TNS1: variants seen among roughly 807,000 people sequenced by gnomAD.
The protein encoded by TNS1 is tensin 1, also known as tensin-1.
TNS1 carries 62 observed loss-of-function variants against 168.6 expected under a neutral mutation model. The ratio of observed to expected loss-of-function variants is 0.37; its 90% CI spans 0.30 to 0.45. TNS1 has a LOEUF of 0.45. Among genes scored for constraint, TNS1 ranks in the 20% least tolerant of loss-of-function variants. The probability of loss-of-function intolerance (pLI) is 1.00; values close to 1 mark genes in which losing one functional copy is unlikely to be tolerated. For synonymous variants in TNS1, 934 were observed against 933.2 expected (o/e 1.00, Z -0.02); for missense variants, 2,240 against 2,339.4 (o/e 0.96, Z 0.88).
At chr2:218,028,367 G>T (rs1302377880) in intron 1 of TNS1, among the ~76,000 whole-genome samples, 1 of 152,164 alleles carries the variant, frequency 6.6e-6, no homozygotes, top group African/African-American at 2.4e-5. Flanking sequence ...GGCCACCCGG[G>T]CCTATCACCA....
Position 217,848,336 on chromosome 2 carries a change from C to A in TNS1, c.2181G>T (p.Gln727His). The change falls in exon 19 of 33, where the codon CAG (glutamine) becomes CAT (histidine). Residue 727 changes from glutamine (Q) to histidine (H), a missense_variant. Gln to His is a conservative substitution (Grantham distance 24). Around this residue, in one of 2 missense-constraint regions of TNS1, gnomAD observed 2,131 missense variants for 2,171.2 expected, o/e 0.98. Transcript: ENST00000682258. ...QREGPHPAWP[Q>H]PVTTSHYAHD... is the part of the protein sequence containing the mutation. ...GGGCATAGTGGGAGGTGGTCACTGG[C>A]TGTGGCCAGGCTGGGTGGGGCCCCT... The A allele has an allele frequency of 6.5e-7, 1 of 1,538,656 alleles. No homozygotes were observed. Among genetic ancestry groups the A allele is most frequent in the Non-Finnish European group, 8.8e-7 (1 of 1,141,004 alleles).
At chr2:217,947,369 G>A (rs1487685839) in intron 3 of TNS1, among the ~76,000 whole-genome samples, 1 of 152,184 alleles carries the variant, frequency 6.6e-6, no homozygotes, top group Non-Finnish European at 1.5e-5. Flanking sequence ...ACAGAACCGA[G>A]AAAGGAGATG....
chr2:218,015,437 C>G lies in TNS1; in HGVS notation c.156+18383G>C, dbSNP rs185627083. On this transcript the variant is annotated intron_variant, in intron 1 of 1. Coordinates refer to the TNS1 transcript ENST00000649572. ...GTGAGTCCCTAAGTTCTCTTTGTCCCCTTCACCACTACTAGCCCAGGTCTC... is the reference window on the plus strand; with the variant it reads ...GTGAGTCCCTAAGTTCTCTTTGTCCGCTTCACCACTACTAGCCCAGGTCTC... 1.4e-4 allele frequency among the ~76,000 whole-genome samples: 21 copies of G among 152,192 alleles called. No homozygotes were observed. In the East Asian group the frequency reaches 4.1e-3, roughly 29 times the overall value.
chr2:217,836,828 GC>G (rs1218483453), intron 19 of TNS1, among the ~76,000 whole-genome samples: 4 of 151,906 alleles, frequency 2.6e-5, no homozygotes, highest in African/African-American at 7.3e-5. Flanking sequence ...TTAGCTCCCC[GC>G]CCCCTTTTCC....
chr2:217,809,989 A>C lies in TNS1; in HGVS notation c.5107T>G (p.Cys1703Gly). 1 of 1,610,038 alleles carries C rather than the reference A, an allele frequency of 6.2e-7. No homozygotes were observed. Residue 1703 changes from cysteine (C) to glycine (G), a missense_variant and splice_region_variant, in exon 30 of 33, where the codon TGC becomes GGC. By Grantham distance (159) the Cys-to-Gly change is radical. Around this residue, in one of 2 missense-constraint regions of TNS1, gnomAD observed 2,131 missense variants for 2,171.2 expected, o/e 0.98. Coordinates refer to ENST00000682258, the MANE Select transcript of TNS1 (RefSeq NM_001387777.1). The stretch of plus-strand genomic sequence containing the variant: ...ACAGAGTTGACGAAGAGCACATTGC[A>C]GGCTGGAAGAAACCAACCCAAGGGG... ...TADLLKQGAA[C>G]NVLFVNSVDM...
At chr2:217,887,613 C>G (rs1258918592) in intron 12 of TNS1, among the ~76,000 whole-genome samples, 2 of 152,174 alleles carry the variant, frequency 1.3e-5, no homozygotes, top group African/African-American at 4.8e-5. Flanking sequence ...CAGCCAACAT[C>G]CCCTAGTTCT....
chr2:217,810,447 G>A, intron 28 of TNS1, 128 bp from the exon 29 acceptor site: 1 of 837,806 alleles, frequency 1.2e-6, no homozygotes, highest in Non-Finnish European at 2.0e-6. Flanking sequence ...GACCCTGGCA[G>A]TCAGCCCTGA....
intron 3 of TNS1, among the ~76,000 whole-genome samples, chr2:217,976,260 G>A (rs573423114): frequency 1.6e-4 from 25 of 152,310 alleles, no homozygotes; most frequent in African/African-American, 5.1e-4. Flanking sequence ...CATTTGGCCC[G>A]TGGAAGGAGA....
At chr2:218,015,507 TC>T (rs1157721942) in intron 1 of TNS1, among the ~76,000 whole-genome samples, 1 of 151,974 alleles carries the variant, frequency 6.6e-6, no homozygotes. Flanking sequence ...CTAACCTCCA[TC>T]CCCCCTTTCA....
intron 12 of TNS1, chr2:217,890,632 C>A (rs1951648337): frequency 5.5e-6 from 2 of 366,676 alleles, no homozygotes; most frequent in South Asian, 6.7e-5. Context: ...CTGAAGCAAT[C>A]CTGCTTCCAG....
At chr2:218,031,096 GTC>G (rs1462514527) in intron 1 of TNS1, among the ~76,000 whole-genome samples, 1 of 133,414 alleles carries the variant, frequency 7.5e-6, no homozygotes, top group Non-Finnish European at 1.5e-5. Context: ...GTGTGAGCGT[GTC>G]TGTGTGTATG....
intron 3 of TNS1, among the ~76,000 whole-genome samples, chr2:217,946,936 C>T (rs948626315): frequency 7.9e-6 from 1 of 126,210 alleles, no homozygotes; most frequent in African/African-American, 4.0e-5. Flanking sequence ...TTTCCACCAT[C>T]GCTCTCTCTC....
intron 30 of TNS1, 83 bp from the exon 31 acceptor site, chr2:217,808,754 C>A: frequency 1.6e-6 from 2 of 1,290,168 alleles, no homozygotes; most frequent in East Asian, 4.6e-5. Flanking sequence ...GTCAGGCCAC[C>A]TTTCCACCAT....
intron 3 of TNS1, among the ~76,000 whole-genome samples, chr2:217,947,228 G>C (rs1957133206): frequency 6.6e-6 from 1 of 151,954 alleles, no homozygotes; most frequent in African/African-American, 2.4e-5. Context: ...TTCAAGGGTA[G>C]GCCTGGGGGT....
At chr2:218,031,105 T>C (rs1009145840) in intron 1 of TNS1, among the ~76,000 whole-genome samples, 1 of 114,434 alleles carries the variant, frequency 8.7e-6, no homozygotes, top group Non-Finnish European at 1.6e-5. Flanking sequence ...TGTCTGTGTG[T>C]ATGAGTGTGT....
chr2:217,834,782 G>A (rs16858320), intron 21 of TNS1, among the ~76,000 whole-genome samples: 16,054 of 152,248 alleles, frequency 0.11, 1,331 homozygotes, highest in East Asian at 0.37. Context: ...TTTTGAGTGT[G>A]GACGGTAAAA....
chr2:217,915,377 T>A (rs943706941), intron 4 of TNS1, among the ~76,000 whole-genome samples: 2 of 152,204 alleles, frequency 1.3e-5, no homozygotes, highest in African/African-American at 4.8e-5. Flanking sequence ...AGGATGGGAC[T>A]AGATAGCGTC....
intron 3 of TNS1, among the ~76,000 whole-genome samples, chr2:217,977,633 T>C (rs958951220): frequency 1.3e-5 from 2 of 151,892 alleles, no homozygotes; most frequent in Non-Finnish European, 3.0e-5. Context: ...CATTACCTCA[T>C]TGAATTCTCA....
chr2:217,808,149 C>T (rs2125065050), intron 31 of TNS1, 42 bp from the exon 32 acceptor site: 1 of 1,607,568 alleles, frequency 6.2e-7, no homozygotes. Flanking sequence ...ATCGTACTTT[C>T]TCCCTAGAGC....
Sources: allele counts gnomAD v4.1 joint callset (sites outside exome capture counted in the v4.1 genomes callset), GRCh38; gene constraint gnomAD v4.1.1; regional missense constraint gnomAD v4.1.1; transcripts MANE v1.5; gene names NCBI Gene and HGNC (gene_info 2026-07-23, HGNC 2026-07-21).